ALDOA: variants seen among roughly 807,000 people sequenced by gnomAD.
ALDOA encodes the protein aldolase, fructose-bisphosphate A.
Under a neutral mutation model 43.9 loss-of-function variants are expected in ALDOA, and 26 were observed. The ratio of observed to expected loss-of-function variants is 0.59; its 90% CI spans 0.43 to 0.82. The LOEUF is 0.82. ALDOA is among the 40% of genes least tolerant of loss of function. The probability of loss-of-function intolerance (pLI) is 0.00; values close to 1 mark genes in which losing one functional copy is unlikely to be tolerated. For missense variants in ALDOA, 498 were observed against 549.5 expected (o/e 0.91, Z 0.94); for synonymous variants, 258 against 222.6 (o/e 1.16, Z -1.42).
intron 1 of ALDOA, chr16:30,066,168 C>T (rs1167720808): frequency 6.6e-6 from 1 of 152,368 alleles, no homozygotes; most frequent in African/African-American, 2.4e-5. Context: ...CCATTCTCCC[C>T]CTTTTCTTGC....
chr16:30,068,605 T>A, intron 4 of ALDOA, 41 bp from the exon 5 acceptor site: 1 of 1,607,972 alleles, frequency 6.2e-7, no homozygotes, highest in Non-Finnish European at 8.5e-7. Flanking sequence ...GTGCTAGAGG[T>A]CATTTCCTGT....
Position 30,067,639 on chromosome 16 carries a change from A to G in ALDOA, c.464A>G (p.Lys155Arg). ...CCCTTCCCCCAAGTTATCAAATCCA[A>G]GGGCGGTGTTGTGGGCATCAAGGTA... is the stretch of plus-strand genomic sequence containing the variant. ...GRPFPQVIKS[K>R]GGVVGIKVDK... The change falls in exon 4 of 10, where the codon AAG (lysine) becomes AGG (arginine). Residue 155 changes from lysine to arginine, a missense_variant. By Grantham distance (26) the Lys-to-Arg change is conservative. Coordinates refer to ENST00000642816, the MANE Select transcript of ALDOA (RefSeq NM_001243177.4). 6.2e-7 allele frequency: 1 copy of G among 1,614,066 alleles called. No homozygotes were observed. Among genetic ancestry groups the G allele is most frequent in the Non-Finnish European group, 8.5e-7 (1 of 1,180,004 alleles).
At position 30,069,490 on chromosome 16, in the gene ALDOA, C is replaced by T. The variant is rs560915717; in HGVS notation, c.787-9C>T. On this transcript the variant is annotated splice_polypyrimidine_tract_variant and intron_variant, in intron 7 of 9. Transcript: ENST00000642816. ...CCCCACTACCCACCGTGCGCCTGCT[C>T]TGCTCCAGGTGCTGGCTGCTGTCTA... 1 of 1,614,160 alleles carries T rather than the reference C, an allele frequency of 6.2e-7. No individual in the cohort carries two copies. The highest frequency in any genetic ancestry group is 1.7e-5 in the Admixed American group (1 of 60,030).
upstream of ALDOA, chr16:30,064,288 A>C (rs986668474): frequency 2.5e-6 from 1 of 394,740 alleles, no homozygotes; most frequent in Admixed American, 4.4e-5. Flanking sequence ...TCTTAAAAAA[A>C]ACCAGGGCTC....
intron 1 of ALDOA, 116 bp from the exon 2 acceptor site, chr16:30,066,769 T>A (rs1278691045): frequency 8.4e-7 from 1 of 1,193,440 alleles, no homozygotes; most frequent in African/African-American, 1.5e-5. Flanking sequence ...GGTTGCTGTG[T>A]GGCTTGAAGC....
In ALDOA at chr16:30,070,287, TCGGGG is replaced by T; in HGVS notation, c.*77_*81del. On this transcript the variant is annotated 3_prime_UTR_variant, in exon 10 of 10. Transcript: ENST00000642816. ...CACTCTTGAAGAGGAGGCCGCCTCCTCGGGGCTCCAGGCTGGCTTGCCCGCGCTCT... is the reference window on the plus strand; with the variant it reads ...CACTCTTGAAGAGGAGGCCGCCTCCTCTCCAGGCTGGCTTGCCCGCGCTCT... The T allele has an allele frequency of 2.7e-6, 4 of 1,468,466 alleles. No individual in the cohort carries two copies. Among genetic ancestry groups the T allele is most frequent in the Non-Finnish European group, 3.8e-6 (4 of 1,049,448 alleles). 91.0% of individuals were successfully genotyped at this position (1,468,466 alleles called of 1,614,324 possible).
At position 30,069,608 on chromosome 16, in the gene ALDOA, C is replaced by T. The variant is rs1220713095; in HGVS notation, c.896C>T (p.Ser299Phe). 4 of 1,613,980 alleles carry T rather than the reference C, an allele frequency of 2.5e-6. No individual in the cohort carries two copies. Among genetic ancestry groups the T allele is most frequent in the African/African-American group, 1.3e-5 (1 of 74,922 alleles). The change falls in exon 8 of 10, where the codon TCT becomes TTT. Residue 299 changes from serine to phenylalanine, a missense_variant. Coordinates refer to ENST00000642816, the MANE Select transcript of ALDOA (RefSeq NM_001243177.4). ...GGCCATGCTTGCACTCAGAAGTTTT[C>T]TCATGAGGAGATTGCCATGGCGACC... Reference protein sequence around the residue: ...TPGHACTQKFSHEEIAMATVT... With the variant: ...TPGHACTQKFFHEEIAMATVT...
chr16:30,064,479 C>T (rs1015488601), upstream of ALDOA: 1 of 398,594 alleles, frequency 2.5e-6, no homozygotes, highest in African/African-American at 2.1e-5. Context: ...TCTGGATTTC[C>T]AAGGAAGAAT....
At chr16:30,067,700 A>G (rs1251583502) in intron 4 of ALDOA, 39 bp downstream of exon 4, 3 of 1,611,454 alleles carry the variant, frequency 1.9e-6, no homozygotes. Context: ...TTGAGATGGA[A>G]GTGGAGGAAG....
chr16:30,065,284 C>T (rs1315102737), upstream of ALDOA, among the ~76,000 whole-genome samples: 1 of 152,250 alleles, frequency 6.6e-6, no homozygotes, highest in African/African-American at 2.4e-5. Context: ...GCGGGCGAGG[C>T]AGGCTAACGC....
intron 4 of ALDOA, 54 bp downstream of exon 4, chr16:30,067,715 TC>T (rs751111719): frequency 6.4e-5 from 102 of 1,602,904 alleles, no homozygotes; most frequent in Non-Finnish European, 7.9e-5. Context: ...AGGAAGGAAA[TC>T]CAGGTTAGTG....
chr16:30,067,773 G>A (rs567480076), intron 4 of ALDOA, 112 bp downstream of exon 4: 2 of 1,262,802 alleles, frequency 1.6e-6, no homozygotes, highest in Non-Finnish European at 2.3e-6. Flanking sequence ...CTTGCATGGA[G>A]CCTGCTTCAG....
Position 30,068,636 on chromosome 16 carries a change from A to G in ALDOA, c.487-10A>G. ...CCTGTGTCTTAATGTTGTTACCCTGACCCCAACAGGTAGACAAGGGCGTGG... is the reference window on the plus strand; with the variant it reads ...CCTGTGTCTTAATGTTGTTACCCTGGCCCCAACAGGTAGACAAGGGCGTGG... On this transcript the variant is annotated splice_polypyrimidine_tract_variant and intron_variant, in intron 4 of 9. Coordinates refer to ENST00000642816, the MANE Select transcript of ALDOA (RefSeq NM_001243177.4). 1 of 1,614,056 alleles carries G rather than the reference A, an allele frequency of 6.2e-7. No individual in the cohort carries two copies.
chr16:30,066,014 C>T (rs374884408), intron 1 of ALDOA, 87 bp downstream of exon 1: 2 of 152,968 alleles, frequency 1.3e-5, no homozygotes, highest in African/African-American at 4.8e-5. Flanking sequence ...GCGTGGAGGC[C>T]TCCCCCATCC....
chr16:30,069,378 G>A lies in ALDOA; in HGVS notation c.775G>A (p.Val259Met). ...GDHDLKRCQY[V>M]TEKVLAAVYK... is the part of the protein sequence containing the mutation. ...CCATGACTTGAAGCGCTGCCAGTAT[G>A]TGACCGAGAAGGTAAATGGCTACCT... The change falls in exon 7 of 10, where the codon GTG becomes ATG. Residue 259 changes from valine to methionine, a missense_variant. Transcript: ENST00000642816. The A allele has an allele frequency of 6.2e-7, 1 of 1,614,148 alleles. No homozygotes were observed. The highest frequency in any genetic ancestry group is 8.5e-7 in the Non-Finnish European group (1 of 1,180,030).
At position 30,070,181 on chromosome 16, in the gene ALDOA, A is replaced by C. The variant is rs2072276581; in HGVS notation, c.1226A>C (p.Glu409Ala). 6.2e-7 allele frequency: 1 copy of C among 1,614,034 alleles called. No individual in the cohort carries two copies. The highest frequency in any genetic ancestry group is 1.3e-5 in the African/African-American group (1 of 74,922). ...GGTCAGGCTGGGGCTGCTGCCAGCG[A>C]GTCCCTCTTCGTCTCTAACCACGCC... ...PSGQAGAAAS[E>A]SLFVSNHAY Residue 409 changes from glutamate (E) to alanine (A), a missense_variant, in exon 10 of 10, where the codon GAG becomes GCG. By Grantham distance (107) the Glu-to-Ala change is moderately radical. Coordinates refer to ENST00000642816, the MANE Select transcript of ALDOA (RefSeq NM_001243177.4).
upstream of ALDOA, chr16:30,065,569 G>A (rs1017165825): frequency 6.6e-6 from 1 of 152,364 alleles, no homozygotes; most frequent in African/African-American, 2.4e-5. Context: ...AGTCACGTCC[G>A]AGGGGGGTGG....
At chr16:30,066,617 C>T (rs2072115164) in intron 1 of ALDOA, among the ~76,000 whole-genome samples, 1 of 152,220 alleles carries the variant, frequency 6.6e-6, no homozygotes, top group Non-Finnish European at 1.5e-5. Flanking sequence ...CCACCCGCCC[C>T]CTCCCTTGTG....
upstream of ALDOA, chr16:30,064,539 G>A: frequency 5.0e-6 from 2 of 398,688 alleles, no homozygotes; most frequent in Non-Finnish European, 8.8e-6. Flanking sequence ...CCATCAATAG[G>A]GCCGACCCAA....
Sources: gnomAD v4.1 joint callset for allele counts (sites outside exome capture counted in the v4.1 genomes callset) on GRCh38, gnomAD v4.1.1 for gene constraint, MANE v1.5 for transcripts, NCBI Gene and HGNC (gene_info 2026-07-23, HGNC 2026-07-21) for gene names.